ADAP1: variants seen among roughly 807,000 people sequenced by gnomAD.
ADAP1 encodes the protein ArfGAP with dual PH domains 1.
ADAP1 carries 31 observed loss-of-function variants against 54.9 expected under a neutral mutation model. The observed-to-expected ratio is 0.56, with a 90% CI of 0.42 to 0.76. The LOEUF is 0.76. Ranked by LOEUF, ADAP1 falls within the 30% of genes least tolerant of loss-of-function variation. The pLI is 0.00. For missense variants in ADAP1, 535 were observed against 512.4 expected (o/e 1.04, Z -0.42); for synonymous variants, 313 against 202.6 (o/e 1.55, Z -4.63).
chr7:919,867 G>T, intron 4 of ADAP1, 101 bp downstream of exon 4: 2 of 527,980 alleles, frequency 3.8e-6, no homozygotes, highest in Non-Finnish European at 3.2e-6. Context: ...GATGGGGGAG[G>T]GAGGGAAAGA....
At chr7:918,922 ACTGCTGGGGGGCAGAG>A (rs1562924709) in intron 4 of ADAP1, among the ~76,000 whole-genome samples, 2 of 43,756 alleles carry the variant, frequency 4.6e-5, no homozygotes, top group African/African-American at 3.7e-4. Context: ...GGAGTTGGGG[ACTGCTGGGGGGCAGAG>A]TTGGGGACTG....
intron 4 of ADAP1, among the ~76,000 whole-genome samples, chr7:915,930 G>A (rs796857474): frequency 3.4e-5 from 5 of 146,028 alleles, no homozygotes; most frequent in African/African-American, 5.0e-5. Context: ...CACTTTCCAC[G>A]AGATGCCGTC....
chr7:951,635 T>G (rs943318469), intron 1 of ADAP1, among the ~76,000 whole-genome samples: 6 of 151,374 alleles, frequency 4.0e-5, no homozygotes, highest in African/African-American at 1.2e-4. Context: ...CTCAGGAGGC[T>G]GAGGTGGGAG....
At chr7:922,690 C>T (rs1277001436) in intron 3 of ADAP1, among the ~76,000 whole-genome samples, 1 of 125,226 alleles carries the variant, frequency 8.0e-6, no homozygotes, top group Non-Finnish European at 1.6e-5. Flanking sequence ...TTGCCTCTTG[C>T]GAAAGTGACC....
chr7:950,001 C>G (rs554836191), intron 1 of ADAP1, among the ~76,000 whole-genome samples: 1 of 152,376 alleles, frequency 6.6e-6, no homozygotes, highest in African/African-American at 2.4e-5. Flanking sequence ...CCCTCGTGCT[C>G]ACACAGCACG....
At chr7:932,542 TC>T (rs1846617645) in intron 2 of ADAP1, among the ~76,000 whole-genome samples, 5 of 152,080 alleles carry the variant, frequency 3.3e-5, no homozygotes, top group Admixed American at 2.0e-4. Context: ...GGGACACCCG[TC>T]CCATCATCTT....
At chr7:935,280 G>A (rs1466153981) in intron 2 of ADAP1, 95 bp downstream of exon 2, 2 of 1,482,474 alleles carry the variant, frequency 1.3e-6, no homozygotes, top group Non-Finnish European at 1.8e-6. Flanking sequence ...GGCTCCAGGG[G>A]CCACAGCCAG....
chr7:899,369 C>A (rs1348311315), intron 9 of ADAP1, 50 bp downstream of exon 9: 1 of 1,609,266 alleles, frequency 6.2e-7, no homozygotes, highest in Non-Finnish European at 8.5e-7. Context: ...CATCTGGCAA[C>A]CCCAGCCAGT....
At chr7:921,652 G>A (rs928431174) in intron 3 of ADAP1, among the ~76,000 whole-genome samples, 2 of 152,188 alleles carry the variant, frequency 1.3e-5, no homozygotes, top group Non-Finnish European at 2.9e-5. Flanking sequence ...GGGGCGGCGG[G>A]TTAGGACTTT....
chr7:899,021 C>A lies in ADAP1; in HGVS notation c.1096+12G>T, dbSNP rs776217094. On this transcript the variant is annotated intron_variant, in intron 10 of 10. Transcript: ENST00000265846. ...GAGCCCTTCCAGGCCGCCGGCCGCCCGCCCCCCTCACCTGCGTACTCCTGG... is the reference window on the plus strand; with the variant it reads ...GAGCCCTTCCAGGCCGCCGGCCGCCAGCCCCCCTCACCTGCGTACTCCTGG... 1 of 1,609,722 alleles carries A rather than the reference C, an allele frequency of 6.2e-7. No homozygotes were observed. Among genetic ancestry groups the A allele is most frequent in the South Asian group, 1.1e-5 (1 of 91,036 alleles).
intron 4 of ADAP1, 88 bp from the exon 5 acceptor site, chr7:905,260 G>A (rs1562911005): frequency 4.7e-6 from 4 of 851,588 alleles, no homozygotes; most frequent in South Asian, 1.4e-5. Flanking sequence ...GAGGGGACAT[G>A]GGGAGAAGAC....
chr7:935,590 C>T (rs752893243), intron 1 of ADAP1, 85 bp from the exon 2 acceptor site: 24 of 1,505,318 alleles, frequency 1.6e-5, no homozygotes, highest in East Asian at 7.5e-5. Flanking sequence ...CAGGAGCCCC[C>T]GGCCATGCAG....
At chr7:911,761 C>T (rs1845733093) in intron 4 of ADAP1, among the ~76,000 whole-genome samples, 1 of 56,784 alleles carries the variant, frequency 1.8e-5, no homozygotes, top group Non-Finnish European at 3.6e-5. Flanking sequence ...GGGGGTCCCA[C>T]GGAGGGCCAG....
chr7:926,458 G>A lies in ADAP1; in HGVS notation c.305+95C>T, dbSNP rs565107574. 53 of 1,063,146 alleles carry A rather than the reference G, an allele frequency of 5.0e-5. No individual in the cohort carries two copies. In the Admixed American group the frequency reaches 5.0e-4, roughly 10 times the overall value. 65.9% of individuals were successfully genotyped at this position (1,063,146 alleles called of 1,614,324 possible). A position where few individuals can be genotyped will look rare whatever the true frequency, so the allele number is the denominator to read the frequency against. ...CTGGCTTCTCCCCGACCCTGTGGGC[G>A]GCACCCAACTCCCCACCCTGCCGGG... is the stretch of plus-strand genomic sequence containing the variant. On this transcript the variant is annotated intron_variant, in intron 3 of 10. Transcript: ENST00000265846. This position sits in a 1 kb window ranked among gnomAD's most constrained non-coding sequence, Gnocchi z 4.6.
rs1160500919 is a variant in ADAP1, at chr7:898,546, C to T, written c.*375G>A. On this transcript the variant is annotated 3_prime_UTR_variant, in exon 11 of 11. Transcript: ENST00000265846. ...CGGCAGCTGCCCACCGTGCTGGCCC[C>T]AAGCAGGGCTCTGCGCTGAGGCCTG... 6.1e-6 allele frequency: 2 copies of T among 330,094 alleles called. No individual in the cohort carries two copies. Among genetic ancestry groups the T allele is most frequent in the East Asian group, 1.4e-4 (2 of 14,328 alleles). 20.4% of individuals were successfully genotyped at this position (330,094 alleles called of 1,614,324 possible). A position where few individuals can be genotyped will look rare whatever the true frequency, so the allele number is the denominator to read the frequency against.
At chr7:942,110 AC>A (rs1359272999) in intron 1 of ADAP1, among the ~76,000 whole-genome samples, 2 of 152,368 alleles carry the variant, frequency 1.3e-5, no homozygotes, top group Admixed American at 1.3e-4. Context: ...ACAGTAAACA[AC>A]CATCCCTCTC....
chr7:905,299 AGGGGGAGACGGAC>A (rs1352087382), intron 4 of ADAP1, 127 bp from the exon 5 acceptor site: 3 of 172,690 alleles, frequency 1.7e-5, no homozygotes, highest in African/African-American at 9.1e-5. Context: ...GGACACGGAC[AGGGGGAGACGGAC>A]GGGGAGAGGG....
intron 4 of ADAP1, among the ~76,000 whole-genome samples, chr7:916,419 C>G (rs1845934531): frequency 6.6e-6 from 1 of 152,212 alleles, no homozygotes; most frequent in African/African-American, 2.4e-5. Flanking sequence ...GGTTCTGATA[C>G]AAGAACAGAC....
intron 1 of ADAP1, among the ~76,000 whole-genome samples, chr7:948,904 C>A (rs1385463321): frequency 6.6e-6 from 1 of 152,190 alleles, no homozygotes; most frequent in Non-Finnish European, 1.5e-5. Context: ...ACCATGTTGG[C>A]CAGGATGGTC....
Sources: allele counts gnomAD v4.1 joint callset (sites outside exome capture counted in the v4.1 genomes callset), GRCh38; gene constraint gnomAD v4.1.1; non-coding constraint Gnocchi (gnomAD v3.1); transcripts MANE v1.5; gene names NCBI Gene and HGNC (gene_info 2026-07-23, HGNC 2026-07-21).